Variants in MKLN1 observed in about 807,000 individuals in gnomAD.
The protein encoded by MKLN1 is muskelin.
A neutral mutation model predicts 99.0 loss-of-function variants in MKLN1; 18 were observed. That is an observed-to-expected ratio of 0.18 (90% CI 0.13 to 0.27). The LOEUF is 0.27. Ranked by LOEUF, MKLN1 falls within the 10% of genes least tolerant of loss-of-function variation. The probability of loss-of-function intolerance (pLI) is 1.00; values close to 1 mark genes in which losing one functional copy is unlikely to be tolerated. For synonymous variants in MKLN1, 288 were observed against 293.2 expected (o/e 0.98, Z 0.18); for missense variants, 621 against 875.9 (o/e 0.71, Z 3.67).
chr7:131,298,080 G>A lies in MKLN1; in HGVS notation c.-178-77344G>A, dbSNP rs142679611. 2.0e-5 allele frequency among the ~76,000 whole-genome samples: 3 copies of A among 151,828 alleles called. No homozygotes were observed. In the East Asian group the frequency reaches 5.8e-4, roughly 30 times the overall value. ...GGATGGATCACGAGGTCAGGAGATC[G>A]AGACCACGGTGAAACCCCGTCTCTA... On this transcript the variant is annotated intron_variant, in intron 3 of 7. Transcript: ENST00000416992.
chr7:131,312,487 T>C (rs1443194575), intron 3 of MKLN1, among the ~76,000 whole-genome samples: 1 of 152,244 alleles, frequency 6.6e-6, no homozygotes, highest in African/African-American at 2.4e-5. Context: ...CTCCTTCTAA[T>C]TTTAGCCAAC....
At chr7:131,153,579 A>G (rs974418412) in intron 2 of MKLN1, among the ~76,000 whole-genome samples, 14 of 151,952 alleles carry the variant, frequency 9.2e-5, no homozygotes, top group Non-Finnish European at 2.9e-5. Context: ...CCCAATGTCT[A>G]TTAATGGAGG....
intron 3 of MKLN1, among the ~76,000 whole-genome samples, chr7:131,209,078 A>C (rs1452517540): frequency 1.3e-5 from 2 of 152,194 alleles, no homozygotes; most frequent in Non-Finnish European, 2.9e-5. Flanking sequence ...CGTGGAGAGA[A>C]CAGAAGGTTC....
At chr7:131,368,835 AAAT>A (rs1298604102) in intron 1 of MKLN1, among the ~76,000 whole-genome samples, 3 of 152,200 alleles carry the variant, frequency 2.0e-5, no homozygotes, top group African/African-American at 2.4e-5. Flanking sequence ...CTGTTTTGAT[AAAT>A]AATATATGCT....
intron 3 of MKLN1, among the ~76,000 whole-genome samples, chr7:131,233,270 A>C (rs1797269385): frequency 6.6e-6 from 1 of 151,934 alleles, no homozygotes; most frequent in Non-Finnish European, 1.5e-5. Context: ...GCTATTCGGG[A>C]GGCTGAGGTG....
Position 131,453,281 on chromosome 7 carries a change from C to G in MKLN1, c.1525+7378C>G, listed in dbSNP as rs1353035632. Among the ~76,000 whole-genome samples, 4 of 152,100 alleles carry G rather than the reference C, an allele frequency of 2.6e-5. No individual in the cohort carries two copies. The East Asian group carries it at 7.7e-4, about 29-fold the overall frequency. On this transcript the variant is annotated intron_variant, in intron 12 of 17. Coordinates refer to ENST00000352689, the MANE Select transcript of MKLN1 (RefSeq NM_013255.5). ...AGTTAATGAAGTAGTACTGGCACTA[C>G]CAGATATTTATAAAGCTACAATTTG...
intron 2 of MKLN1, among the ~76,000 whole-genome samples, chr7:131,175,363 A>T (rs1054290637): frequency 6.6e-6 from 1 of 152,172 alleles, no homozygotes; most frequent in African/African-American, 2.4e-5. Flanking sequence ...AAAGACAGGG[A>T]AATAATATTT....
At chr7:131,444,546 A>AT (rs1211260586) in intron 11 of MKLN1, among the ~76,000 whole-genome samples, 1 of 151,874 alleles carries the variant, frequency 6.6e-6, no homozygotes, top group Non-Finnish European at 1.5e-5. Flanking sequence ...CAAATAAAAT[A>AT]TTTTTTATCT....
chr7:131,332,954 C>T (rs1305849918), intron 1 of MKLN1, among the ~76,000 whole-genome samples: 1 of 151,544 alleles, frequency 6.6e-6, no homozygotes, highest in East Asian at 1.9e-4. Flanking sequence ...GATGGAGTCT[C>T]GCTGTGTCAC....
intron 3 of MKLN1, among the ~76,000 whole-genome samples, chr7:131,287,348 G>A (rs1798147638): frequency 6.6e-6 from 1 of 152,216 alleles, no homozygotes; most frequent in African/African-American, 2.4e-5. Flanking sequence ...GAAATCAAGT[G>A]TTGGCAAGGC....
At chr7:131,332,754 T>C (rs943468132) in intron 1 of MKLN1, among the ~76,000 whole-genome samples, 1 of 152,030 alleles carries the variant, frequency 6.6e-6, no homozygotes, top group Admixed American at 6.6e-5. Flanking sequence ...TATTCTTCTA[T>C]ATTGTATTTT....
chr7:131,467,451 A>C (rs1384899509), intron 15 of MKLN1, among the ~76,000 whole-genome samples: 7 of 152,230 alleles, frequency 4.6e-5, no homozygotes, highest in Non-Finnish European at 8.8e-5. Context: ...AAATGAGAAT[A>C]TCAGGATAGA....
intron 3 of MKLN1, among the ~76,000 whole-genome samples, chr7:131,261,215 G>C (rs1189740016): frequency 6.6e-6 from 1 of 152,154 alleles, no homozygotes; most frequent in African/African-American, 2.4e-5. Flanking sequence ...ACAACCTACA[G>C]AATGAGAGAA....
intron 3 of MKLN1, among the ~76,000 whole-genome samples, chr7:131,289,428 C>T (rs751543919): frequency 6.6e-6 from 1 of 152,148 alleles, no homozygotes; most frequent in Non-Finnish European, 1.5e-5. Flanking sequence ...GAGTTTGAGA[C>T]CAGCCTGGCC....
chr7:131,244,746 C>G (rs903916237), intron 3 of MKLN1, among the ~76,000 whole-genome samples: 1 of 152,070 alleles, frequency 6.6e-6, no homozygotes, highest in Non-Finnish European at 1.5e-5. Context: ...TTTGGCATGT[C>G]CCCCTGTGTT....
intron 3 of MKLN1, among the ~76,000 whole-genome samples, chr7:131,290,131 C>T (rs552188559): frequency 6.6e-6 from 1 of 152,148 alleles, no homozygotes; most frequent in African/African-American, 2.4e-5. Flanking sequence ...CATGGTGAAA[C>T]CTCATCTCTA....
At chr7:131,137,307 T>C (rs762102428) in intron 1 of MKLN1, among the ~76,000 whole-genome samples, 3 of 152,148 alleles carry the variant, frequency 2.0e-5, no homozygotes, top group Non-Finnish European at 4.4e-5. Context: ...TTGAAGCTAA[T>C]AAAAGAAAAA....
At chr7:131,136,022 A>C (rs1184485466) in intron 1 of MKLN1, among the ~76,000 whole-genome samples, 1 of 152,026 alleles carries the variant, frequency 6.6e-6, no homozygotes, top group East Asian at 1.9e-4. Context: ...CAGTAGGGTG[A>C]GTCTAGGGAG....
chr7:131,185,997 C>A (rs917548595), intron 2 of MKLN1, among the ~76,000 whole-genome samples: 77 of 150,080 alleles, frequency 5.1e-4, no homozygotes, highest in Admixed American at 2.2e-3. Context: ...TTGAGACCAT[C>A]CTGGCCAACA....
Sources: gnomAD v4.1 joint callset for allele counts (sites outside exome capture counted in the v4.1 genomes callset) on GRCh38, gnomAD v4.1.1 for gene constraint, MANE v1.5 for transcripts, NCBI Gene and HGNC (gene_info 2026-07-23, HGNC 2026-07-21) for gene names.